FAM118B: variants seen among roughly 807,000 people sequenced by gnomAD.
The protein encoded by FAM118B is SIR2 antiphage like 1.
FAM118B carries 24 observed loss-of-function variants against 38.5 expected under a neutral mutation model. The observed-to-expected ratio is 0.62, with a 90% CI of 0.45 to 0.88. The LOEUF (loss-of-function observed/expected upper bound fraction) is 0.88, where lower values mean the gene tolerates loss of function less well. Ranked by LOEUF, FAM118B falls within the 40% of genes least tolerant of loss-of-function variation. The probability of loss-of-function intolerance (pLI) is 0.00; values close to 1 mark genes in which losing one functional copy is unlikely to be tolerated. For missense variants in FAM118B, 334 were observed against 420.0 expected (o/e 0.80, Z 1.79); for synonymous variants, 138 against 156.3 (o/e 0.88, Z 0.87).
intron 1 of FAM118B, among the ~76,000 whole-genome samples, chr11:126,213,504 A>C (rs1437387819): frequency 6.6e-6 from 1 of 152,246 alleles, no homozygotes; most frequent in Non-Finnish European, 1.5e-5. Flanking sequence ...TCCATGCTCC[A>C]GACCTAGGTT....
intron 4 of FAM118B, among the ~76,000 whole-genome samples, chr11:126,246,963 C>A (rs1232734776): frequency 7.3e-6 from 1 of 136,886 alleles, no homozygotes; most frequent in South Asian, 2.3e-4. Context: ...AACTTTCCAG[C>A]CTGGGAAACA....
chr11:126,216,783 A>G (rs1949984702), intron 1 of FAM118B, among the ~76,000 whole-genome samples: 1 of 152,256 alleles, frequency 6.6e-6, no homozygotes, highest in Admixed American at 6.5e-5. Context: ...TCAATCACCA[A>G]TAGGGCAGGC....
intron 2 of FAM118B, among the ~76,000 whole-genome samples, chr11:126,233,257 C>T (rs1472948789): frequency 6.6e-6 from 1 of 152,120 alleles, no homozygotes; most frequent in Non-Finnish European, 1.5e-5. Flanking sequence ...GGGCGGATCA[C>T]CTGAGGTCAG....
At chr11:126,248,227 AT>A (rs1950443747) in intron 4 of FAM118B, among the ~76,000 whole-genome samples, 2 of 151,744 alleles carry the variant, frequency 1.3e-5, no homozygotes. Context: ...TTTGTTTGAA[AT>A]TGTATTTGTA....
chr11:126,211,862 G>T, intron 1 of FAM118B, 32 bp downstream of exon 1: 1 of 552,444 alleles, frequency 1.8e-6, no homozygotes, highest in South Asian at 2.4e-5. Flanking sequence ...GCTGGGGCTG[G>T]GAAATGCCGG....
In FAM118B at chr11:126,253,437, A is replaced by G. The variant is rs1176791924; in HGVS notation, c.568-868A>G. Among the ~76,000 whole-genome samples the G allele has an allele frequency of 1.3e-5, 2 of 152,130 alleles. No homozygotes were observed. The highest frequency in any genetic ancestry group is 4.8e-5 in the African/African-American group (2 of 41,410). ...AATGGAGCCATGGAATCAGGTGGCTATTGCATTCGCTGTTGTCTAAATGAT... is the reference window on the plus strand; with the variant it reads ...AATGGAGCCATGGAATCAGGTGGCTGTTGCATTCGCTGTTGTCTAAATGAT... On this transcript the variant is annotated intron_variant, in intron 5 of 8. Transcript: ENST00000533050. This position sits in a 1 kb window ranked among gnomAD's most constrained non-coding sequence, Gnocchi z 5.1.
At position 126,256,113 on chromosome 11, in the gene FAM118B, A is replaced by G. The variant is rs1950574890; in HGVS notation, c.697-454A>G. On this transcript the variant is annotated intron_variant, in intron 6 of 8. Transcript: ENST00000533050. This position sits in a 1 kb window ranked among gnomAD's most constrained non-coding sequence, Gnocchi z 6.6. Reference sequence around the variant, plus strand: ...TGGCAAAACCCCGTCTCTACTAAACATTCAAAAATTAGCTGGGTGTGGTGG... The same window carrying G: ...TGGCAAAACCCCGTCTCTACTAAACGTTCAAAAATTAGCTGGGTGTGGTGG... 6.6e-6 allele frequency among the ~76,000 whole-genome samples: 1 copy of G among 152,172 alleles called. No individual in the cohort carries two copies. The highest frequency in any genetic ancestry group is 1.5e-5 in the Non-Finnish European group (1 of 68,032).
intron 1 of FAM118B, among the ~76,000 whole-genome samples, chr11:126,224,082 AC>A (rs1950104754): frequency 6.6e-6 from 1 of 152,214 alleles, no homozygotes; most frequent in Non-Finnish European, 1.5e-5. Flanking sequence ...TGTGGCAGGC[AC>A]TGTTCTGCAC....
rs1949951662 is a variant in FAM118B, at chr11:126,214,514, G to GTTTTTTTGT, written c.-77+2691_-77+2692insGTTTTTTTT. On this transcript the variant is annotated intron_variant, in intron 1 of 8. Coordinates refer to ENST00000533050, the MANE Select transcript of FAM118B (RefSeq NM_024556.4). The stretch of plus-strand genomic sequence containing the variant: ...TGTTTTTTTTTTTTGTTTTTTTTTT[G>GTTTTTTTGT]TTTTTTTTTTTTTACCTCTATATTG... The GTTTTTTTGT allele has an allele frequency of 1.9e-3, 77 of 41,514 alleles. 3 individuals are homozygous for GTTTTTTTGT. The highest frequency in any genetic ancestry group is 3.6e-3 in the Non-Finnish European group (68 of 18,818). The allele number at this position is 41,514 out of a possible 1,614,324, so 2.6% of individuals were successfully genotyped here. A position where few individuals can be genotyped will look rare whatever the true frequency, so the allele number is the denominator to read the frequency against.
At chr11:126,221,230 AAG>A (rs1478166038) in intron 1 of FAM118B, among the ~76,000 whole-genome samples, 2 of 152,198 alleles carry the variant, frequency 1.3e-5, no homozygotes, top group Non-Finnish European at 2.9e-5. Flanking sequence ...TATTAGGAAA[AAG>A]AGAATATCCT....
At position 126,253,944 on chromosome 11, in the gene FAM118B, G is replaced by T. The variant is rs551492162; in HGVS notation, c.568-361G>T. ...TAGCCTGGAGTCACTCCGAAGAGGGGCCACACAAGGGCCTGGATACAGAGG... is the reference window on the plus strand; with the variant it reads ...TAGCCTGGAGTCACTCCGAAGAGGGTCCACACAAGGGCCTGGATACAGAGG... On this transcript the variant is annotated intron_variant, in intron 5 of 8. Transcript: ENST00000533050. This position sits in a 1 kb window ranked among gnomAD's most constrained non-coding sequence, Gnocchi z 5.1. Among the ~76,000 whole-genome samples the T allele has an allele frequency of 6.6e-6, 1 of 152,306 alleles. No individual in the cohort carries two copies. Among genetic ancestry groups the T allele is most frequent in the African/African-American group, 2.4e-5 (1 of 41,574 alleles).
chr11:126,248,569 A>C (rs968403100), intron 4 of FAM118B, among the ~76,000 whole-genome samples: 32 of 151,660 alleles, frequency 2.1e-4, no homozygotes, highest in Admixed American at 1.3e-3. Context: ...ATGGGGTTTC[A>C]CCATGTTGGC....
In FAM118B at chr11:126,256,011, C is replaced by T. The variant is rs933199971; in HGVS notation, c.697-556C>T. Among the ~76,000 whole-genome samples, 2 of 152,140 alleles carry T rather than the reference C, an allele frequency of 1.3e-5. No individual in the cohort carries two copies. Among genetic ancestry groups the T allele is most frequent in the African/African-American group, 4.8e-5 (2 of 41,450 alleles). On this transcript the variant is annotated intron_variant, in intron 6 of 8. Coordinates refer to ENST00000533050, the MANE Select transcript of FAM118B (RefSeq NM_024556.4). This position sits in a 1 kb window ranked among gnomAD's most constrained non-coding sequence, Gnocchi z 6.6. ...ACTGGCCAAGTGCAGTGGCTCACGC[C>T]TGTAATCCCAGCACTTTGGGAGGCC... is the stretch of plus-strand genomic sequence containing the variant.
intron 3 of FAM118B, 49 bp downstream of exon 3, chr11:126,235,136 G>A: frequency 6.5e-7 from 1 of 1,541,344 alleles, no homozygotes; most frequent in Non-Finnish European, 8.9e-7. Context: ...TAGTGGGAGA[G>A]AAAGAAAAAT....
intron 1 of FAM118B, among the ~76,000 whole-genome samples, chr11:126,213,045 T>A (rs1422212666): frequency 2.0e-5 from 3 of 152,186 alleles, no homozygotes; most frequent in African/African-American, 7.2e-5. Flanking sequence ...CCCTACACTG[T>A]AACTCCTTTG....
intron 5 of FAM118B, among the ~76,000 whole-genome samples, chr11:126,251,002 G>GT (rs1197910379): frequency 6.6e-6 from 1 of 152,206 alleles, no homozygotes; most frequent in East Asian, 1.9e-4. Context: ...CACTTGAACT[G>GT]TAAGATCTCT....
chr11:126,238,628 C>G (rs1440326593), intron 3 of FAM118B, among the ~76,000 whole-genome samples: 1 of 152,150 alleles, frequency 6.6e-6, no homozygotes, highest in African/African-American at 2.4e-5. Context: ...GCAGTGTTCT[C>G]AGATATAGTC....
rs190353365 is a variant in FAM118B at position 126,216,640 on chromosome 11, A to T, written c.-77+4810A>T. ...AATATGAAACACTGAAACAAGTAAGATTTTCACCCACTTTTTGGTGAGTCA... is the reference window on the plus strand; with the variant it reads ...AATATGAAACACTGAAACAAGTAAGTTTTTCACCCACTTTTTGGTGAGTCA... On this transcript the variant is annotated intron_variant, in intron 1 of 8. Transcript: ENST00000533050. Among the ~76,000 whole-genome samples the T allele has an allele frequency of 1.1e-4, 16 of 152,312 alleles. 1 individual carries two copies. Among genetic ancestry groups the T allele is most frequent in the Admixed American group, 7.8e-4 (12 of 15,306 alleles).
At chr11:126,227,841 C>T (rs1950163203) in intron 1 of FAM118B, among the ~76,000 whole-genome samples, 1 of 152,064 alleles carries the variant, frequency 6.6e-6, no homozygotes, top group Admixed American at 6.6e-5. Context: ...CACTCTATCA[C>T]CAGGCTGGAG....
Sources: allele counts gnomAD v4.1 joint callset (sites outside exome capture counted in the v4.1 genomes callset), GRCh38; gene constraint gnomAD v4.1.1; non-coding constraint Gnocchi (gnomAD v3.1); transcripts MANE v1.5; gene names NCBI Gene and HGNC (gene_info 2026-07-23, HGNC 2026-07-21).